Variants in PTPRT observed in about 807,000 individuals in gnomAD.
The protein encoded by PTPRT is receptor-type tyrosine-protein phosphatase T.
A neutral mutation model predicts 176.8 loss-of-function variants in PTPRT; 56 were observed. That is an observed-to-expected ratio of 0.32 (90% CI 0.26 to 0.40). PTPRT has a LOEUF of 0.40. PTPRT is among the 10% of genes least tolerant of loss of function. PTPRT has a pLI of 1.00. For synonymous variants in PTPRT, 783 were observed against 739.0 expected, an observed-to-expected ratio of 1.06 and a Z score of -0.96; for missense variants, 1,540 against 1,908.2, an observed-to-expected ratio of 0.81 and a Z score of 3.60.
chr20:42,303,444 C>G (rs1003632996), intron 12 of PTPRT, among the ~76,000 whole-genome samples: 1 of 152,114 alleles, frequency 6.6e-6, no homozygotes, highest in Non-Finnish European at 1.5e-5. Context: ...CTAGTGCACC[C>G]ATATTCCTCT....
chr20:42,272,162 A>G (rs922774506), intron 13 of PTPRT, among the ~76,000 whole-genome samples: 15 of 152,276 alleles, frequency 9.9e-5, no homozygotes, highest in African/African-American at 3.6e-4. Flanking sequence ...AAGAGGAGTA[A>G]TATTTTGTGA....
At position 42,736,673 on chromosome 20, in the gene PTPRT, AACTATGGCTGGAGAGAG is replaced by A. The variant is rs377194644; in HGVS notation, c.859+19772_859+19788del. On this transcript the variant is annotated intron_variant, in intron 6 of 30. Transcript: ENST00000373187. ...GGGGTTCATGGAAGGGGTTCCTGAG[AACTATGGCTGGAGAGAG>A]ACTATGGCTGGAGAGAGACACGGGG... is the stretch of plus-strand genomic sequence containing the variant. 2.5e-3 allele frequency among the ~76,000 whole-genome samples: 387 copies of A among 152,342 alleles called. 3 individuals carry two copies. The highest frequency in any genetic ancestry group is 8.6e-3 in the African/African-American group (358 of 41,566).
chr20:42,203,009 C>A (rs1176558876), intron 15 of PTPRT, among the ~76,000 whole-genome samples: 1 of 152,088 alleles, frequency 6.6e-6, no homozygotes, highest in East Asian at 1.9e-4. Flanking sequence ...GGAAAGCTAA[C>A]TGAATTGTAA....
At chr20:43,032,442 G>T (rs1986175846) in intron 1 of PTPRT, among the ~76,000 whole-genome samples, 1 of 142,860 alleles carries the variant, frequency 7.0e-6, no homozygotes, top group African/African-American at 2.7e-5. Context: ...TTTTCTCTAT[G>T]CCCCTCACCC....
chr20:42,351,612 C>T (rs956921901), intron 10 of PTPRT, among the ~76,000 whole-genome samples: 1 of 152,140 alleles, frequency 6.6e-6, no homozygotes, highest in Admixed American at 6.5e-5. Flanking sequence ...TGCATTGTTG[C>T]TGTCTAGTGG....
intron 7 of PTPRT, among the ~76,000 whole-genome samples, chr20:42,662,964 ATATG>A (rs200581719): frequency 0.031 from 3,635 of 115,964 alleles, 173 homozygotes; most frequent in African/African-American, 0.13. Flanking sequence ...ATACCTGAAT[ATATG>A]TGTGTGTGTG....
At chr20:42,762,742 C>T (rs530119345) in intron 5 of PTPRT, among the ~76,000 whole-genome samples, 19 of 152,342 alleles carry the variant, frequency 1.2e-4, no homozygotes, top group Admixed American at 2.0e-4. Context: ...TCTTCCAATT[C>T]ATCCGTACAG....
intron 1 of PTPRT, among the ~76,000 whole-genome samples, chr20:43,134,788 G>A (rs2013769713): frequency 6.6e-6 from 1 of 152,210 alleles, no homozygotes; most frequent in Admixed American, 6.5e-5. Flanking sequence ...ATTGTTGTCA[G>A]TTTTGTTGTC....
intron 6 of PTPRT, among the ~76,000 whole-genome samples, chr20:42,733,251 C>A (rs149429943): frequency 6.6e-6 from 1 of 152,096 alleles, no homozygotes; most frequent in Admixed American, 6.5e-5. Flanking sequence ...AAGATCACAG[C>A]GGGAGGATGG....
chr20:42,250,763 T>C (rs1165946134), intron 13 of PTPRT, among the ~76,000 whole-genome samples: 1 of 152,220 alleles, frequency 6.6e-6, no homozygotes, highest in Non-Finnish European at 1.5e-5. Context: ...ATTTTGCCAT[T>C]GAGTGGCCAT....
At chr20:42,356,806 G>A (rs1231487992) in intron 9 of PTPRT, among the ~76,000 whole-genome samples, 5 of 152,080 alleles carry the variant, frequency 3.3e-5, no homozygotes, top group Non-Finnish European at 4.4e-5. Context: ...AGCTCAGTGC[G>A]TGAGCTGGCC....
chr20:42,188,530 A>T (rs1317252208), intron 16 of PTPRT, among the ~76,000 whole-genome samples: 1 of 152,148 alleles, frequency 6.6e-6, no homozygotes, highest in Non-Finnish European at 1.5e-5. Flanking sequence ...TGAGGCATAG[A>T]AAGTGCTTTG....
intron 7 of PTPRT, among the ~76,000 whole-genome samples, chr20:42,474,815 C>T (rs2071261557): frequency 6.6e-6 from 1 of 152,148 alleles, no homozygotes; most frequent in South Asian, 2.1e-4. Flanking sequence ...GGCCTGTCCA[C>T]TTGTCCAGGT....
chr20:42,443,711 TG>T (rs1302389674), intron 9 of PTPRT, among the ~76,000 whole-genome samples: 1 of 152,068 alleles, frequency 6.6e-6, no homozygotes, highest in African/African-American at 2.4e-5. Context: ...TCAGGGAAGG[TG>T]GGCCCAGGAT....
At chr20:42,738,524 A>G (rs1167584063) in intron 6 of PTPRT, among the ~76,000 whole-genome samples, 1 of 151,816 alleles carries the variant, frequency 6.6e-6, no homozygotes. Context: ...AAAAAAAAGA[A>G]TGACATTCTT....
At chr20:42,274,441 G>A (rs2147017408) in intron 13 of PTPRT, among the ~76,000 whole-genome samples, 1 of 152,148 alleles carries the variant, frequency 6.6e-6, no homozygotes, top group African/African-American at 2.4e-5. Flanking sequence ...TGAGGTAGAG[G>A]TCTCTTGCTT....
chr20:42,149,785 T>A (rs1234484052), intron 17 of PTPRT, among the ~76,000 whole-genome samples: 1 of 152,174 alleles, frequency 6.6e-6, no homozygotes. Flanking sequence ...TGGCAGACAG[T>A]GCTTGTCACT....
chr20:42,782,168 T>G (rs2145505081), intron 3 of PTPRT, among the ~76,000 whole-genome samples: 1 of 152,290 alleles, frequency 6.6e-6, no homozygotes, highest in African/African-American at 2.4e-5. Flanking sequence ...AACACTTTAT[T>G]CTTGTTATTT....
At chr20:42,290,790 T>A (rs2057305160) in intron 12 of PTPRT, among the ~76,000 whole-genome samples, 1 of 152,046 alleles carries the variant, frequency 6.6e-6, no homozygotes, top group Admixed American at 6.6e-5. Flanking sequence ...CATCCTTCAA[T>A]TATTTACTGA....
Sources: gnomAD v4.1 joint callset for allele counts (sites outside exome capture counted in the v4.1 genomes callset) on GRCh38, gnomAD v4.1.1 for gene constraint, MANE v1.5 for transcripts, NCBI Gene and HGNC (gene_info 2026-07-23, HGNC 2026-07-21) for gene names.